Variants in PCDHA12 observed in about 807,000 individuals in gnomAD.
PCDHA12 encodes protocadherin alpha-12.
Under a neutral mutation model 60.0 loss-of-function variants are expected in PCDHA12, and 44 were observed. That is an observed-to-expected ratio of 0.73 (90% CI 0.58 to 0.94). The LOEUF (loss-of-function observed/expected upper bound fraction) is 0.94, where lower values mean the gene tolerates loss of function less well. Among genes scored for constraint, PCDHA12 ranks in the 40% least tolerant of loss-of-function variants. The pLI is 0.00. For missense variants in PCDHA12, 1,276 were observed against 1,239.7 expected (o/e 1.03, Z -0.44); for synonymous variants, 569 against 553.0 (o/e 1.03, Z -0.40).
intron 1 of PCDHA12, among the ~76,000 whole-genome samples, chr5:140,945,540 CA>C (rs1330025999): frequency 1.3e-5 from 2 of 151,706 alleles, no homozygotes; most frequent in African/African-American, 2.4e-5. Flanking sequence ...AACATACAAA[CA>C]AAAAAATGAA....
rs115795241 is a variant in PCDHA12, at chr5:140,931,728, G to A, written c.2368-47221G>A. 2.8e-3 allele frequency among the ~76,000 whole-genome samples: 427 copies of A among 151,850 alleles called. 1 individual carries two copies. The highest frequency in any genetic ancestry group is 4.4e-3 in the Non-Finnish European group (297 of 67,780). ...GAATAAAATAACTTCTATAAATATGGGGTATTTGTAATTCACAAAGGCATT... is the reference window on the plus strand; with the variant it reads ...GAATAAAATAACTTCTATAAATATGAGGTATTTGTAATTCACAAAGGCATT... On this transcript the variant is annotated intron_variant, in intron 1 of 3. Coordinates refer to ENST00000398631, the MANE Select transcript of PCDHA12 (RefSeq NM_018903.4).
intron 1 of PCDHA12, among the ~76,000 whole-genome samples, chr5:140,935,657 T>C (rs2090486652): frequency 1.3e-5 from 2 of 152,176 alleles, no homozygotes; most frequent in Non-Finnish European, 2.9e-5. Flanking sequence ...TTTAATTTTC[T>C]TTTATAATTA....
At chr5:140,884,194 G>C in intron 1 of PCDHA12, 1 of 1,613,402 alleles carries the variant, frequency 6.2e-7, no homozygotes, top group Non-Finnish European at 8.5e-7. Flanking sequence ...AGGTGGACGC[G>C]CCGCACCACC....
Position 140,913,960 on chromosome 5 carries a change from T to TA in PCDHA12, c.2367+36128dup, listed in dbSNP as rs201352444. 7.9e-3 allele frequency among the ~76,000 whole-genome samples: 1,207 copies of TA among 152,282 alleles called. 5 individuals are homozygous for TA. Among genetic ancestry groups the TA allele is most frequent in the African/African-American group, 0.019 (780 of 41,560 alleles). ...AAGAATCTTGATATGATATCATTTT[T>TA]AAAAAAATATTTTAGGACTTGTATT... On this transcript the variant is annotated intron_variant, in intron 1 of 3. Transcript: ENST00000398631.
chr5:140,992,590 T>C (rs536991072), intron 3 of PCDHA12, among the ~76,000 whole-genome samples: 1 of 152,300 alleles, frequency 6.6e-6, no homozygotes, highest in East Asian at 1.9e-4. Flanking sequence ...TGTATGCATC[T>C]AGCGTCTGTG....
chr5:141,001,559 G>A (rs1277713814), intron 3 of PCDHA12, among the ~76,000 whole-genome samples: 1 of 152,190 alleles, frequency 6.6e-6, no homozygotes, highest in Non-Finnish European at 1.5e-5. Context: ...TTCAGACCAC[G>A]ATTCTCCTGT....
intron 1 of PCDHA12, among the ~76,000 whole-genome samples, chr5:140,946,629 T>TATATATATATATATATATATATATATAC (rs1367833800): frequency 2.4e-5 from 3 of 123,274 alleles, no homozygotes; most frequent in Non-Finnish European, 3.6e-5. Context: ...TATATATATA[T>TATATATATATATATATATATATATATAC]ATACAATGGA....
At chr5:140,944,335 G>A (rs1196825895) in intron 1 of PCDHA12, among the ~76,000 whole-genome samples, 1 of 151,986 alleles carries the variant, frequency 6.6e-6, no homozygotes, top group African/African-American at 2.4e-5. Context: ...TTACAAGCAC[G>A]TGCCACCACA....
At chr5:140,882,732 A>G (rs782399296) in intron 1 of PCDHA12, 3 of 1,614,228 alleles carry the variant, frequency 1.9e-6, no homozygotes, top group Non-Finnish European at 2.5e-6. Context: ...TTTCCACTAG[A>G]TGGCGCATCC....
intron 3 of PCDHA12, among the ~76,000 whole-genome samples, chr5:140,991,357 T>G (rs1409351374): frequency 2.6e-5 from 4 of 152,258 alleles, no homozygotes; most frequent in African/African-American, 9.6e-5. Flanking sequence ...AAAGACTATT[T>G]ACTGTCTGAG....
At chr5:140,964,783 A>C (rs2095854085) in intron 1 of PCDHA12, among the ~76,000 whole-genome samples, 1 of 152,018 alleles carries the variant, frequency 6.6e-6, no homozygotes, top group East Asian at 1.9e-4. Context: ...AAGAGGAAGA[A>C]GCCAGAGACC....
chr5:140,987,563 T>C (rs2097259374), intron 3 of PCDHA12, among the ~76,000 whole-genome samples: 1 of 152,226 alleles, frequency 6.6e-6, no homozygotes, highest in Non-Finnish European at 1.5e-5. Context: ...ATTCTCAGTT[T>C]CTTTCTCTAT....
At chr5:140,975,765 CAG>C (rs1179625862) in intron 1 of PCDHA12, among the ~76,000 whole-genome samples, 1 of 152,220 alleles carries the variant, frequency 6.6e-6, no homozygotes, top group Non-Finnish European at 1.5e-5. Flanking sequence ...TCATAAATCA[CAG>C]ATAATACCAT....
At position 140,876,596 on chromosome 5, in the gene PCDHA12, C is replaced by G. The variant is rs1361945795; in HGVS notation, c.1124C>G (p.Ser375Trp). ...ACCGTCATTGCCCTGATTAGCGTGT[C>G]GGATCGTGACTCTGGAGCCAATGGA... ...VGTVIALISV[S>W]DRDSGANGQV... is the part of the protein sequence containing the mutation. The change falls in exon 1 of 4, where the codon TCG (serine) becomes TGG (tryptophan). Residue 375 changes from serine (S) to tryptophan (W), a missense_variant. Transcript: ENST00000398631. The G allele has an allele frequency of 3.1e-6, 5 of 1,614,040 alleles. No individual in the cohort carries two copies. In the East Asian group the frequency reaches 8.9e-5, roughly 29 times the overall value.
intron 3 of PCDHA12, among the ~76,000 whole-genome samples, chr5:140,988,416 A>G (rs1462025901): frequency 6.6e-6 from 1 of 152,118 alleles, no homozygotes; most frequent in Non-Finnish European, 1.5e-5. Flanking sequence ...AGCTTATGTA[A>G]AGAATTTGTT....
intron 1 of PCDHA12, among the ~76,000 whole-genome samples, chr5:140,952,596 GTT>G (rs1246642070): frequency 6.6e-6 from 1 of 152,136 alleles, no homozygotes; most frequent in Non-Finnish European, 1.5e-5. Flanking sequence ...TCTCTAGGAA[GTT>G]CTAAGCTCTC....
In PCDHA12 at chr5:141,011,833, C is replaced by T. The variant is rs1223674434; in HGVS notation, c.*1896C>T. 6.5e-6 allele frequency: 1 copy of T among 153,366 alleles called. No individual in the cohort carries two copies. Among genetic ancestry groups the T allele is most frequent in the Non-Finnish European group, 1.5e-5 (1 of 67,994 alleles). 9.5% of individuals were successfully genotyped at this position (153,366 alleles called of 1,614,324 possible). On this transcript the variant is annotated 3_prime_UTR_variant, in exon 4 of 4. Transcript: ENST00000398631. ...TAGAAAGTAACAAAATTTGCTGTCA[C>T]CTTAAATAAGACATTTTAATTTTGT...
chr5:140,883,391 T>C (rs1301270294), intron 1 of PCDHA12: 8 of 1,614,052 alleles, frequency 5.0e-6, no homozygotes, highest in Non-Finnish European at 6.8e-6. Flanking sequence ...AATCAGTGTG[T>C]CCGATCGTGA....
intron 1 of PCDHA12, chr5:140,883,720 A>G (rs782338608): frequency 4.3e-6 from 7 of 1,613,566 alleles, no homozygotes; most frequent in Middle Eastern, 1.7e-4. Flanking sequence ...ACGCGGACGC[A>G]CAGGAGAACG....
Sources: gnomAD v4.1 joint callset for allele counts (sites outside exome capture counted in the v4.1 genomes callset) on GRCh38, gnomAD v4.1.1 for gene constraint, MANE v1.5 for transcripts, NCBI Gene and HGNC (gene_info 2026-07-23, HGNC 2026-07-21) for gene names.